Variants in ROBO1 observed in about 807,000 individuals in gnomAD.
ROBO1 encodes the protein roundabout guidance receptor 1.
ROBO1 carries 149 observed loss-of-function variants against 195.9 expected under a neutral mutation model. That is an observed-to-expected ratio of 0.76 (90% confidence interval 0.67 to 0.87). The LOEUF (loss-of-function observed/expected upper bound fraction) is 0.87. Ranked by LOEUF, ROBO1 falls within the 40% of genes least tolerant of loss-of-function variation. The probability of loss-of-function intolerance (pLI) is 0.00; values close to 1 mark genes in which losing one functional copy is unlikely to be tolerated. For missense variants in ROBO1, 1,933 were observed against 2,068.3 expected (o/e 0.93, Z 1.27); for synonymous variants, 816 against 733.2 (o/e 1.11, Z -1.82).
At chr3:79,749,040 T>C (rs912755023) in intron 1 of ROBO1, among the ~76,000 whole-genome samples, 1 of 152,000 alleles carries the variant, frequency 6.6e-6, no homozygotes, top group African/African-American at 2.4e-5. Context: ...GACAGGAAAA[T>C]GTGAGAAAGT....
chr3:79,100,500 C>A (rs753269280), intron 3 of ROBO1, among the ~76,000 whole-genome samples: 8 of 151,432 alleles, frequency 5.3e-5, no homozygotes, highest in Non-Finnish European at 1.2e-4. Flanking sequence ...ATAGCCAGCC[C>A]AAGAGCACGG....
intron 2 of ROBO1, among the ~76,000 whole-genome samples, chr3:79,237,029 G>A (rs1488829075): frequency 1.3e-5 from 2 of 151,936 alleles, no homozygotes; most frequent in South Asian, 4.1e-4. Flanking sequence ...AAAAGTGCTA[G>A]AAAAGAAAAA....
At chr3:79,173,904 G>A (rs1459884099) in intron 2 of ROBO1, among the ~76,000 whole-genome samples, 1 of 152,158 alleles carries the variant, frequency 6.6e-6, no homozygotes, top group Non-Finnish European at 1.5e-5. Flanking sequence ...CCTGTGTCTA[G>A]CTCAGGGTTT....
chr3:79,281,314 ATTGAT>A (rs1196610909), intron 2 of ROBO1, among the ~76,000 whole-genome samples: 1 of 146,704 alleles, frequency 6.8e-6, no homozygotes, highest in South Asian at 2.1e-4. Flanking sequence ...TTATTGATTG[ATTGAT>A]TTATTATTAT....
rs149296267 is a variant in ROBO1, at chr3:79,423,992, T to A, written c.88+165832A>T. Reference sequence around the variant, plus strand: ...GTACCACCTGGACCTTCTAAATGCATGGATTTAGAAGGATTTGTTTCTATA... The same window carrying A: ...GTACCACCTGGACCTTCTAAATGCAAGGATTTAGAAGGATTTGTTTCTATA... On this transcript the variant is annotated intron_variant, in intron 2 of 30. Transcript: ENST00000464233. Among the ~76,000 whole-genome samples the A allele has an allele frequency of 1.6e-4, 25 of 152,044 alleles. No homozygotes were observed. The East Asian group carries it at 4.9e-3, about 30-fold the overall frequency.
At chr3:79,718,908 A>T (rs974732834) in intron 1 of ROBO1, among the ~76,000 whole-genome samples, 3 of 152,092 alleles carry the variant, frequency 2.0e-5, no homozygotes, top group Non-Finnish European at 4.4e-5. Flanking sequence ...TAACCTGGAT[A>T]TACATTAGTT....
intron 4 of ROBO1, among the ~76,000 whole-genome samples, chr3:78,797,270 T>G (rs1172300691): frequency 6.6e-6 from 1 of 152,218 alleles, no homozygotes; most frequent in East Asian, 1.9e-4. Flanking sequence ...TAACTCCTAG[T>G]CTAATGCCAG....
chr3:78,719,303 T>A (rs944721720), intron 5 of ROBO1, among the ~76,000 whole-genome samples: 1 of 152,168 alleles, frequency 6.6e-6, no homozygotes, highest in Non-Finnish European at 1.5e-5. Flanking sequence ...TTAAAATATT[T>A]CTATAAGGTT....
intron 2 of ROBO1, among the ~76,000 whole-genome samples, chr3:79,174,753 G>A (rs1437814925): frequency 6.6e-6 from 1 of 151,450 alleles, no homozygotes; most frequent in Non-Finnish European, 1.5e-5. Context: ...CTACTCAAGA[G>A]GCTGAGGTAG....
chr3:78,939,816 C>T (rs2040038439), intron 3 of ROBO1, among the ~76,000 whole-genome samples: 1 of 151,372 alleles, frequency 6.6e-6, no homozygotes, highest in African/African-American at 2.4e-5. Flanking sequence ...AGATGAAATG[C>T]TAAGTACCTG....
At chr3:79,698,319 T>C (rs948320890) in intron 1 of ROBO1, among the ~76,000 whole-genome samples, 1 of 151,514 alleles carries the variant, frequency 6.6e-6, no homozygotes, top group Non-Finnish European at 1.5e-5. Context: ...TAATTTTATA[T>C]ATTTTTCTCA....
intron 3 of ROBO1, among the ~76,000 whole-genome samples, chr3:79,021,651 ATTTTTTTTTTTTTT>A: frequency 1.3e-5 from 1 of 76,888 alleles, no homozygotes; most frequent in East Asian, 3.6e-4. Context: ...CCTAGAGATG[ATTTTTTTTTTTTTT>A]TTTTTTTTTT....
At chr3:79,337,832 T>A (rs1256696657) in intron 2 of ROBO1, among the ~76,000 whole-genome samples, 1 of 152,186 alleles carries the variant, frequency 6.6e-6, no homozygotes, top group Admixed American at 6.5e-5. Flanking sequence ...TTAACATAGA[T>A]AAAGTAATAC....
At chr3:79,075,552 C>G (rs922960775) in intron 3 of ROBO1, among the ~76,000 whole-genome samples, 3 of 151,914 alleles carry the variant, frequency 2.0e-5, no homozygotes, top group Admixed American at 2.0e-4. Context: ...AACTTGCATC[C>G]TGTCATAGTT....
intron 2 of ROBO1, among the ~76,000 whole-genome samples, chr3:79,395,340 A>AAGAAAGAAAGAAAG (rs1553733528): frequency 1.7e-5 from 2 of 119,062 alleles, no homozygotes; most frequent in African/African-American, 6.2e-5. Context: ...AAAAAAAAAA[A>AAGAAAGAAAGAAAG]AAAGAAAGAA....
intron 2 of ROBO1, among the ~76,000 whole-genome samples, chr3:79,589,338 T>C (rs1943924286): frequency 1.3e-5 from 2 of 151,728 alleles, no homozygotes; most frequent in Non-Finnish European, 3.0e-5. Flanking sequence ...CAGTGGTAAC[T>C]ATGGTAGCAA....
intron 1 of ROBO1, among the ~76,000 whole-genome samples, chr3:79,732,242 A>G (rs1393411514): frequency 6.6e-6 from 1 of 150,414 alleles, no homozygotes; most frequent in Non-Finnish European, 1.5e-5. Flanking sequence ...ATATGAAGTC[A>G]AGTGTTGATA....
At chr3:79,535,608 C>T (rs1376534477) in intron 2 of ROBO1, among the ~76,000 whole-genome samples, 1 of 152,156 alleles carries the variant, frequency 6.6e-6, no homozygotes, top group Non-Finnish European at 1.5e-5. Flanking sequence ...AAGTTATGAG[C>T]ATGATGTCAA....
At chr3:78,966,572 C>A (rs769091730) in intron 3 of ROBO1, among the ~76,000 whole-genome samples, 1 of 152,116 alleles carries the variant, frequency 6.6e-6, no homozygotes, top group Non-Finnish European at 1.5e-5. Flanking sequence ...TGATTTCTTT[C>A]GCTTACAATC....
Sources: allele counts gnomAD v4.1 joint callset (sites outside exome capture counted in the v4.1 genomes callset), GRCh38; gene constraint gnomAD v4.1.1; transcripts MANE v1.5; gene names NCBI Gene and HGNC (gene_info 2026-07-23, HGNC 2026-07-21).